Variants in TPTE observed in about 807,000 individuals in gnomAD.
TPTE encodes the protein transmembrane phosphatase with tensin homology, also known as putative tyrosine-protein phosphatase TPTE.
In TPTE, 59 loss-of-function variants were observed where a neutral mutation model predicts 84.1. The ratio of observed to expected loss-of-function variants is 0.70; its 90% CI spans 0.57 to 0.87. The LOEUF (loss-of-function observed/expected upper bound fraction) is 0.87, where lower values mean the gene tolerates loss of function less well. TPTE is among the 40% of genes least tolerant of loss of function. TPTE has a pLI of 0.00. For synonymous variants in TPTE, 130 were observed against 223.5 expected, an observed-to-expected ratio of 0.58 and a Z score of 3.73; for missense variants, 382 against 659.6, an observed-to-expected ratio of 0.58 and a Z score of 4.61.
chr21:10,576,066 C>T (rs1291133485), intron 14 of TPTE, among the ~76,000 whole-genome samples: 5 of 152,310 alleles, frequency 3.3e-5, no homozygotes, highest in Non-Finnish European at 7.3e-5. Context: ...CCAGCAATCC[C>T]ATTATGGGGT....
intron 8 of TPTE, among the ~76,000 whole-genome samples, chr21:10,558,874 G>T (rs905527120): frequency 1.3e-5 from 2 of 152,298 alleles, no homozygotes; most frequent in South Asian, 2.1e-4. Flanking sequence ...ATTATTGGAG[G>T]CTCCATCAAA....
rs535014277 is a variant in TPTE at position 10,598,870 on chromosome 21, C to T, written c.1356+776C>T. Among the ~76,000 whole-genome samples, 35 of 152,346 alleles carry T rather than the reference C, an allele frequency of 2.3e-4. No individual in the cohort carries two copies. In the South Asian group the frequency reaches 2.7e-3, roughly 12 times the overall value. On this transcript the variant is annotated intron_variant, in intron 21 of 23. Coordinates refer to ENST00000618007, the MANE Select transcript of TPTE (RefSeq NM_199261.4). ...TCCCTGCCATGCCCTCCCTACTCTG[C>T]GCCCGGCTTTTTTGGCCTCTCCCGA...
At chr21:10,539,796 G>A (rs1436916561) in intron 4 of TPTE, among the ~76,000 whole-genome samples, 2 of 152,306 alleles carry the variant, frequency 1.3e-5, no homozygotes, top group African/African-American at 4.8e-5. Context: ...TGGATAACGA[G>A]ATCAGTAGTT....
chr21:10,568,176 A>C (rs1220966658), intron 11 of TPTE, among the ~76,000 whole-genome samples: 3 of 152,308 alleles, frequency 2.0e-5, no homozygotes, highest in Non-Finnish European at 4.4e-5. Context: ...CTATATCAAA[A>C]AAATTTATAT....
intron 14 of TPTE, among the ~76,000 whole-genome samples, chr21:10,573,396 T>C (rs2075085662): frequency 6.6e-6 from 1 of 152,310 alleles, no homozygotes; most frequent in Non-Finnish European, 1.5e-5. Flanking sequence ...GCAGTAACAG[T>C]TGGGGCCTTT....
At chr21:10,522,150 C>G (rs1292981205) in intron 1 of TPTE, among the ~76,000 whole-genome samples, 1 of 152,276 alleles carries the variant, frequency 6.6e-6, no homozygotes, top group Non-Finnish European at 1.5e-5. Flanking sequence ...TCTTGTCCCC[C>G]CCCAGGATGA....
At chr21:10,543,107 G>A (rs1431083175) in intron 6 of TPTE, among the ~76,000 whole-genome samples, 1 of 120,342 alleles carries the variant, frequency 8.3e-6, no homozygotes, top group Non-Finnish European at 1.6e-5. Context: ...TCGGCTCACT[G>A]CAAGCTCTGC....
At chr21:10,528,068 A>C (rs1355648954) in intron 3 of TPTE, among the ~76,000 whole-genome samples, 1 of 152,302 alleles carries the variant, frequency 6.6e-6, no homozygotes, top group Non-Finnish European at 1.5e-5. Context: ...GTCCTAAACA[A>C]TTTTTATTAC....
intron 13 of TPTE, 113 bp downstream of exon 13, chr21:10,569,859 G>C (rs1810758): frequency 6.2e-7 from 1 of 1,603,792 alleles, no homozygotes; most frequent in Non-Finnish European, 8.5e-7. Flanking sequence ...TATTCATGAG[G>C]ATATATGCTA....
chr21:10,571,935 G>T (rs12627175), intron 14 of TPTE, among the ~76,000 whole-genome samples: 6,679 of 139,900 alleles, frequency 0.048, no homozygotes, highest in East Asian at 0.12. Context: ...AATCCAGGAG[G>T]TGGAGGTTGC....
chr21:10,549,792 T>C (rs2074539240), intron 7 of TPTE, among the ~76,000 whole-genome samples: 1 of 152,310 alleles, frequency 6.6e-6, no homozygotes. Flanking sequence ...GCGTAAAACT[T>C]CCTAACTCTT....
intron 4 of TPTE, among the ~76,000 whole-genome samples, 197 bp downstream of exon 4, chr21:10,538,931 T>C (rs1488206218): frequency 6.6e-6 from 1 of 152,302 alleles, no homozygotes. Flanking sequence ...GGCCGGACAT[T>C]TGTGGAGTTT....
At chr21:10,557,090 T>C (rs2074699825) in intron 8 of TPTE, among the ~76,000 whole-genome samples, 1 of 152,312 alleles carries the variant, frequency 6.6e-6, no homozygotes, top group Non-Finnish European at 1.5e-5. Context: ...GCCATTGCTT[T>C]TGTTCACCTG....
intron 18 of TPTE, 31 bp from the exon 19 acceptor site, chr21:10,592,262 A>T (rs762809878): frequency 6.2e-7 from 1 of 1,612,090 alleles, no homozygotes; most frequent in Admixed American, 1.7e-5. Context: ...AGTGCAGATG[A>T]ACCATGGTTG....
chr21:10,569,452 T>C lies in TPTE; in HGVS notation c.582T>C (p.Leu194=). 1 of 1,613,384 alleles carries C rather than the reference T, an allele frequency of 6.2e-7. No homozygotes were observed. The highest frequency in any genetic ancestry group is 1.7e-4 in the Middle Eastern group (1 of 6,048). The change falls in exon 12 of 24, where the codon CTT becomes CTC. Residue 194 remains leucine (L), a synonymous_variant. Coordinates refer to ENST00000618007, the MANE Select transcript of TPTE (RefSeq NM_199261.4). ...LRNIPRWTHL[L]RLLRLIILLR... The stretch of plus-strand genomic sequence containing the variant: ...TTATTCTTAGATGGACACATTTACT[T>C]CGACTTCTACGACTTATTATTCTGT...
At chr21:10,572,062 C>T (rs1162672775) in intron 14 of TPTE, among the ~76,000 whole-genome samples, 1 of 152,278 alleles carries the variant, frequency 6.6e-6, no homozygotes, top group Non-Finnish European at 1.5e-5. Context: ...AGAGATATGG[C>T]CAAAATCTAG....
At chr21:10,529,926 A>ATTT (rs2074147433) in intron 3 of TPTE, among the ~76,000 whole-genome samples, 5,239 of 147,188 alleles carry the variant, frequency 0.036, 1 homozygote, top group Middle Eastern at 0.074. Flanking sequence ...TTTTTTTTTA[A>ATTT]AAAAAGTAGT....
intron 3 of TPTE, among the ~76,000 whole-genome samples, chr21:10,536,016 A>C (rs1405965013): frequency 1.8e-4 from 27 of 152,306 alleles, no homozygotes; most frequent in Non-Finnish European, 2.6e-4. Context: ...GGTGGCTCAT[A>C]TCTGTAATCC....
chr21:10,587,808 C>A (rs535114493), intron 17 of TPTE, among the ~76,000 whole-genome samples: 1 of 152,292 alleles, frequency 6.6e-6, no homozygotes, highest in Non-Finnish European at 1.5e-5. Context: ...CCTCAGCCTC[C>A]CAAAGTGCTG....
Sources: allele counts gnomAD v4.1 joint callset (sites outside exome capture counted in the v4.1 genomes callset), GRCh38; gene constraint gnomAD v4.1.1; transcripts MANE v1.5; gene names NCBI Gene and HGNC (gene_info 2026-07-23, HGNC 2026-07-21).